DTNB: variants seen among roughly 807,000 people sequenced by gnomAD.
DTNB encodes dystrobrevin beta, also known as DTN-B.
Under a neutral mutation model 90.7 loss-of-function variants are expected in DTNB, and 63 were observed. That is an observed-to-expected ratio of 0.69 (90% CI 0.57 to 0.86). The LOEUF (loss-of-function observed/expected upper bound fraction) is 0.86. DTNB is among the 40% of genes least tolerant of loss of function. The pLI, the probability that DTNB is intolerant of heterozygous loss-of-function variation, is 0.00. For missense variants in DTNB, 744 were observed against 807.1 expected (o/e 0.92, Z 0.95); for synonymous variants, 277 against 286.7 (o/e 0.97, Z 0.34).
At chr2:25,494,175 C>T (rs1201179117) in intron 9 of DTNB, among the ~76,000 whole-genome samples, 1 of 152,114 alleles carries the variant, frequency 6.6e-6, no homozygotes, top group Non-Finnish European at 1.5e-5. Flanking sequence ...ATTCTCACTA[C>T]TACTCATGGT....
chr2:25,583,147 T>A (rs2061799865), intron 6 of DTNB, among the ~76,000 whole-genome samples: 3 of 150,104 alleles, frequency 2.0e-5, no homozygotes, highest in African/African-American at 7.4e-5. Flanking sequence ...CTTGGGAGGC[T>A]GAGACAGGAT....
chr2:25,588,615 G>A (rs1036388906), intron 6 of DTNB, among the ~76,000 whole-genome samples: 1 of 152,068 alleles, frequency 6.6e-6, no homozygotes, highest in Non-Finnish European at 1.5e-5. Context: ...CACCTGCTTC[G>A]GCCTCCCAAA....
chr2:25,473,128 G>A (rs1467183775), intron 10 of DTNB, among the ~76,000 whole-genome samples: 1 of 152,220 alleles, frequency 6.6e-6, no homozygotes, highest in African/African-American at 2.4e-5. Context: ...GTAAAGTGGG[G>A]AGTAGACTGG....
chr2:25,455,580 C>G, intron 10 of DTNB, 86 bp from the exon 11 acceptor site: 1 of 1,153,730 alleles, frequency 8.7e-7, no homozygotes, highest in Non-Finnish European at 1.2e-6. Flanking sequence ...GAGCAAACTT[C>G]AAAGAAAAAT....
At chr2:25,484,579 T>C (rs2065745675) in intron 9 of DTNB, among the ~76,000 whole-genome samples, 1 of 152,210 alleles carries the variant, frequency 6.6e-6, no homozygotes, top group Non-Finnish European at 1.5e-5. Context: ...CAACTGCATT[T>C]CTGTATAGGG....
At chr2:25,552,841 A>ATTTT (rs544243784) in intron 8 of DTNB, among the ~76,000 whole-genome samples, 27 of 86,032 alleles carry the variant, frequency 3.1e-4, no homozygotes, top group East Asian at 6.4e-4. Context: ...TCTCTTTTTG[A>ATTTT]TTTTTTTTTT....
At chr2:25,522,187 G>A (rs1237313124) in intron 9 of DTNB, among the ~76,000 whole-genome samples, 2 of 152,194 alleles carry the variant, frequency 1.3e-5, no homozygotes, top group African/African-American at 2.4e-5. Context: ...GTGCTGATAC[G>A]TGAATTGGCT....
At chr2:25,401,996 G>A (rs2043853112) in intron 16 of DTNB, among the ~76,000 whole-genome samples, 1 of 152,230 alleles carries the variant, frequency 6.6e-6, no homozygotes, top group Non-Finnish European at 1.5e-5. Flanking sequence ...ATGGGAGAGA[G>A]TTGCTGCAAG....
At chr2:25,475,813 C>A (rs1326675307) in intron 10 of DTNB, among the ~76,000 whole-genome samples, 2 of 152,170 alleles carry the variant, frequency 1.3e-5, no homozygotes, top group Non-Finnish European at 2.9e-5. Flanking sequence ...ATTTACCTTG[C>A]CTGCACTCCA....
intron 16 of DTNB, among the ~76,000 whole-genome samples, chr2:25,405,613 T>C (rs1038649954): frequency 2.0e-5 from 3 of 152,142 alleles, no homozygotes; most frequent in African/African-American, 7.2e-5. Context: ...TTGTTGTTTT[T>C]TTTTTCAACA....
chr2:25,380,625 G>A (rs997570487), intron 19 of DTNB, among the ~76,000 whole-genome samples: 5 of 152,258 alleles, frequency 3.3e-5, no homozygotes, highest in African/African-American at 7.2e-5. Flanking sequence ...AAGGGCAAGA[G>A]GCACAGAAAG....
At chr2:25,672,331 C>T (rs894204986) in intron 1 of DTNB, among the ~76,000 whole-genome samples, 4 of 151,502 alleles carry the variant, frequency 2.6e-5, no homozygotes, top group South Asian at 2.1e-4. Context: ...GTGGCCAAAC[C>T]TTGCTTGTCC....
intron 5 of DTNB, among the ~76,000 whole-genome samples, chr2:25,604,010 T>C (rs1375676951): frequency 6.6e-6 from 1 of 152,138 alleles, no homozygotes; most frequent in African/African-American, 2.4e-5. Context: ...CTCATAACAA[T>C]CACTTTAAAT....
Position 25,387,133 on chromosome 2 carries a change from G to T in DTNB, c.1825+156C>A. 1.6e-6 allele frequency: 1 copy of T among 625,454 alleles called. No homozygotes were observed. The highest frequency in any genetic ancestry group is 2.7e-5 in the Admixed American group (1 of 36,390). 38.7% of individuals were successfully genotyped at this position (625,454 alleles called of 1,614,324 possible). ...CCTGTGTGACAGAGGCTCTCTGGGT[G>T]GAGACATCCAGTGTGTTCCTAGAAG... is the stretch of plus-strand genomic sequence containing the variant. On this transcript the variant is annotated intron_variant, in intron 18 of 20. Coordinates refer to ENST00000406818, the MANE Select transcript of DTNB (RefSeq NM_021907.5). The surrounding 1 kb of genome is among the most constrained non-coding windows in gnomAD (Gnocchi z 4.5).
intron 9 of DTNB, among the ~76,000 whole-genome samples, chr2:25,513,862 A>G (rs978686042): frequency 6.6e-6 from 1 of 152,110 alleles, no homozygotes; most frequent in African/African-American, 2.4e-5. Flanking sequence ...GTAAGTCATG[A>G]ACACATATAG....
At chr2:25,413,285 C>G (rs1237714396) in intron 16 of DTNB, among the ~76,000 whole-genome samples, 1 of 148,492 alleles carries the variant, frequency 6.7e-6, no homozygotes, top group Non-Finnish European at 1.5e-5. Context: ...TTTTTTAATA[C>G]TTTAAGTTCT....
chr2:25,383,609 A>G, intron 19 of DTNB: 1 of 828,638 alleles, frequency 1.2e-6, no homozygotes, highest in Non-Finnish European at 1.8e-6. Context: ...TATCCCAACT[A>G]CCTATCCCAG....
At chr2:25,592,078 A>AG (rs974552593) in intron 6 of DTNB, among the ~76,000 whole-genome samples, 7 of 151,596 alleles carry the variant, frequency 4.6e-5, no homozygotes, top group African/African-American at 1.7e-4. Flanking sequence ...AAAAAAAAAA[A>AG]AAAAAAATAT....
chr2:25,506,193 G>A (rs1042978253), intron 9 of DTNB, among the ~76,000 whole-genome samples: 1 of 152,148 alleles, frequency 6.6e-6, no homozygotes, highest in African/African-American at 2.4e-5. Context: ...CAAACACAGA[G>A]TTAGATGGGA....
Sources: allele counts gnomAD v4.1 joint callset (sites outside exome capture counted in the v4.1 genomes callset), GRCh38; gene constraint gnomAD v4.1.1; non-coding constraint Gnocchi (gnomAD v3.1); transcripts MANE v1.5; gene names NCBI Gene and HGNC (gene_info 2026-07-23, HGNC 2026-07-21).